Variants in PSAT1 observed in about 807,000 individuals in gnomAD.
PSAT1 encodes phosphoserine aminotransferase 1.
In PSAT1, 41 loss-of-function variants were observed where a neutral mutation model predicts 40.3. The observed-to-expected ratio is 1.02, with a 90% CI of 0.79 to 1.32. The LOEUF is 1.32. Ranked by LOEUF, PSAT1 falls within the 40% of genes most tolerant of loss-of-function variation. The probability of loss-of-function intolerance (pLI) is 0.00; values close to 1 mark genes in which losing one functional copy is unlikely to be tolerated. For synonymous variants in PSAT1, 147 were observed against 170.5 expected, an observed-to-expected ratio of 0.86 and a Z score of 1.07; for missense variants, 406 against 455.8, an observed-to-expected ratio of 0.89 and a Z score of 0.99.
intron 5 of PSAT1, among the ~76,000 whole-genome samples, chr9:78,308,176 G>A (rs1255955260): frequency 1.3e-5 from 2 of 152,198 alleles, no homozygotes; most frequent in Admixed American, 6.5e-5. Context: ...TTGCAGTGAT[G>A]GGCTTGGGTT....
chr9:78,305,031 C>A lies in PSAT1; in HGVS notation c.397+91C>A. 4 of 1,163,186 alleles carry A rather than the reference C, an allele frequency of 3.4e-6. No individual in the cohort carries two copies. In the East Asian group the frequency reaches 7.9e-5, roughly 23 times the overall value. The allele number at this position is 1,163,186 out of a possible 1,614,324, so 72.1% of individuals were successfully genotyped here. On this transcript the variant is annotated intron_variant, in intron 4 of 8. Transcript: ENST00000376588. ...TCTGTAGTTTTCAATTATTTTCTCC[C>A]CTTGACAGTGTTAGTTCATTACCAT...
chr9:78,309,931 C>A (rs1451968940), intron 6 of PSAT1, among the ~76,000 whole-genome samples: 1 of 152,126 alleles, frequency 6.6e-6, no homozygotes, highest in East Asian at 1.9e-4. Context: ...AATAATAGTA[C>A]CCCTTTCACT....
chr9:78,325,831 T>C (rs935773767), intron 7 of PSAT1, among the ~76,000 whole-genome samples: 3 of 152,254 alleles, frequency 2.0e-5, no homozygotes, highest in Non-Finnish European at 4.4e-5. Context: ...TATGACATTA[T>C]TGCTTTGTGA....
In PSAT1 at chr9:78,308,547, G is replaced by T. The variant is rs1828219128; in HGVS notation, c.704G>T (p.Gly235Val). 1 of 1,614,048 alleles carries T rather than the reference G, an allele frequency of 6.2e-7. No homozygotes were observed. The highest frequency in any genetic ancestry group is 8.5e-7 in the Non-Finnish European group (1 of 1,180,008). ...GTCCTGGAATACAAGGTGCAGGCTG[G>T]AAACAGCTCCTTGTACAACACGCCT... ...PSVLEYKVQA[G>V]NSSLYNTPPC... is the part of the protein sequence containing the mutation. Residue 235 changes from glycine (G) to valine (V), a missense_variant, in exon 6 of 9, where the codon GGA (glycine) becomes GTA (valine). Coordinates refer to ENST00000376588, the MANE Select transcript of PSAT1 (RefSeq NM_058179.4).
intron 6 of PSAT1, among the ~76,000 whole-genome samples, chr9:78,313,835 C>T (rs1040257473): frequency 1.3e-5 from 2 of 152,082 alleles, no homozygotes; most frequent in African/African-American, 4.8e-5. Flanking sequence ...TTTATGGCGA[C>T]AGGGTCTCAA....
chr9:78,325,133 G>A (rs1828478394), intron 7 of PSAT1, among the ~76,000 whole-genome samples: 1 of 152,100 alleles, frequency 6.6e-6, no homozygotes, highest in Non-Finnish European at 1.5e-5. Context: ...TCATTCACAT[G>A]CACAGTAGCT....
chr9:78,300,801 C>T (rs1828097184), intron 2 of PSAT1, 139 bp downstream of exon 2: 3 of 1,354,720 alleles, frequency 2.2e-6, no homozygotes, highest in Non-Finnish European at 2.9e-6. Context: ...CTGCAGCCTC[C>T]AACTCCTGGG....
chr9:78,323,400 C>G (rs894496062), intron 7 of PSAT1, among the ~76,000 whole-genome samples: 1 of 151,966 alleles, frequency 6.6e-6, no homozygotes, highest in Non-Finnish European at 1.5e-5. Context: ...AGTGAGACCT[C>G]GTCTCTACAA....
chr9:78,304,583 G>T, intron 3 of PSAT1, 152 bp from the exon 4 acceptor site: 1 of 763,810 alleles, frequency 1.3e-6, no homozygotes, highest in Non-Finnish European at 2.3e-6. Flanking sequence ...ATAAATAAAT[G>T]AGTGAATTAG....
At chr9:78,301,885 G>T (rs114600252) in intron 2 of PSAT1, 69 bp from the exon 3 acceptor site, 30 of 1,222,250 alleles carry the variant, frequency 2.5e-5, no homozygotes, top group Middle Eastern at 1.9e-4. Context: ...TGCAAATTTC[G>T]TAGGTATTTC....
At chr9:78,324,838 C>A (rs57306700) in intron 7 of PSAT1, among the ~76,000 whole-genome samples, 1 of 152,148 alleles carries the variant, frequency 6.6e-6, no homozygotes, top group Non-Finnish European at 1.5e-5. Flanking sequence ...CACACCGGCC[C>A]GTCCTACTCA....
chr9:78,297,368 C>G (rs1395746603), intron 1 of PSAT1, 98 bp downstream of exon 1: 1 of 1,399,126 alleles, frequency 7.1e-7, no homozygotes, highest in East Asian at 2.5e-5. Context: ...ATTCCCGCTC[C>G]CTGCCTTGAG....
At chr9:78,318,553 C>T (rs1468846035) in intron 7 of PSAT1, among the ~76,000 whole-genome samples, 1 of 152,150 alleles carries the variant, frequency 6.6e-6, no homozygotes, top group African/African-American at 2.4e-5. Context: ...GAGAGCCATG[C>T]CTTGCCTCCT....
chr9:78,301,123 A>G (rs1828101555), intron 2 of PSAT1, among the ~76,000 whole-genome samples: 1 of 152,112 alleles, frequency 6.6e-6, no homozygotes, highest in Admixed American at 6.5e-5. Context: ...TACATTTTTA[A>G]ACTTTAATAG....
chr9:78,300,710 CTTTTTTTTTTT>C (rs753207413), intron 2 of PSAT1, 48 bp downstream of exon 2: 14 of 1,107,738 alleles, frequency 1.3e-5, no homozygotes, highest in Non-Finnish European at 1.6e-5. Flanking sequence ...TCAAAGGAAG[CTTTTTTTTTTT>C]TTTTTTTTTT....
rs368743037 is a variant in PSAT1, at chr9:78,304,963, G to C, written c.397+23G>C. 2.5e-6 allele frequency: 4 copies of C among 1,609,340 alleles called. No homozygotes were observed. In the East Asian group the frequency reaches 8.9e-5, roughly 36 times the overall value. On this transcript the variant is annotated intron_variant, in intron 4 of 8. Coordinates refer to ENST00000376588, the MANE Select transcript of PSAT1 (RefSeq NM_058179.4). ...CAAGTAAGTTCTGGGAGCTGAGCTG[G>C]GTGGTGACGTGCTCAATGGTGGGTT...
At chr9:78,326,421 C>A (rs563104278) in intron 7 of PSAT1, among the ~76,000 whole-genome samples, 21 of 152,104 alleles carry the variant, frequency 1.4e-4, no homozygotes, top group Non-Finnish European at 8.8e-5. Context: ...AAAGCAGAAA[C>A]TGAAGTCAAA....
chr9:78,326,953 A>ATTTTTTTTT (rs1397133333), intron 7 of PSAT1, among the ~76,000 whole-genome samples: 15 of 81,468 alleles, frequency 1.8e-4, no homozygotes, highest in African/African-American at 1.0e-3. Flanking sequence ...ATATATATAT[A>ATTTTTTTTT]TATTTTTTTT....
At chr9:78,308,799 T>A (rs926405678) in intron 6 of PSAT1, among the ~76,000 whole-genome samples, 1 of 151,910 alleles carries the variant, frequency 6.6e-6, no homozygotes, top group African/African-American at 2.4e-5. Context: ...TTACCAAAAA[T>A]ACAAAATTAT....
Sources: allele counts gnomAD v4.1 joint callset (sites outside exome capture counted in the v4.1 genomes callset), GRCh38; gene constraint gnomAD v4.1.1; transcripts MANE v1.5; gene names NCBI Gene and HGNC (gene_info 2026-07-23, HGNC 2026-07-21).